Variants in PLCB4 observed in about 807,000 individuals in gnomAD.
PLCB4 encodes the protein phospholipase C beta 4.
A neutral mutation model predicts 178.8 loss-of-function variants in PLCB4; 77 were observed. The observed-to-expected ratio is 0.43, with a 90% CI of 0.36 to 0.52. The LOEUF is 0.52. Ranked by LOEUF, PLCB4 falls within the 20% of genes least tolerant of loss-of-function variation. The pLI is 0.00. For missense variants in PLCB4, 1,024 were observed against 1,453.4 expected (o/e 0.70, Z 4.80); for synonymous variants, 496 against 490.8 (o/e 1.01, Z -0.14).
At chr20:9,236,333 A>T (rs1399340860) in intron 3 of PLCB4, among the ~76,000 whole-genome samples, 1 of 152,196 alleles carries the variant, frequency 6.6e-6, no homozygotes, top group African/African-American at 2.4e-5. Context: ...ACAAGGAAGA[A>T]TAACCTTATA....
intron 36 of PLCB4, among the ~76,000 whole-genome samples, chr20:9,471,987 G>A (rs373984409): frequency 6.6e-5 from 10 of 152,274 alleles, no homozygotes; most frequent in South Asian, 6.2e-4. Flanking sequence ...CCACGCACCC[G>A]ATCGTTGTAG....
chr20:9,085,204 C>T (rs1261622834), intron 1 of PLCB4, among the ~76,000 whole-genome samples: 3 of 152,030 alleles, frequency 2.0e-5, no homozygotes, highest in Admixed American at 2.0e-4. Flanking sequence ...TATTCAGAAC[C>T]TGACATAGCT....
chr20:9,182,777 T>G (rs2093268629), intron 2 of PLCB4, among the ~76,000 whole-genome samples: 1 of 152,192 alleles, frequency 6.6e-6, no homozygotes, highest in South Asian at 2.1e-4. Flanking sequence ...GGCTTCCTGG[T>G]GTAGCTCTCC....
At chr20:9,090,326 C>A (rs6056397) in intron 1 of PLCB4, among the ~76,000 whole-genome samples, 74,969 of 151,292 alleles carry the variant, frequency 0.5, 18,967 homozygotes, top group Middle Eastern at 0.56. Context: ...CAAAGAGAAT[C>A]GAGCTATTAT....
intron 3 of PLCB4, among the ~76,000 whole-genome samples, chr20:9,304,386 C>T (rs1300040101): frequency 6.6e-6 from 1 of 151,504 alleles, no homozygotes; most frequent in African/African-American, 2.4e-5. Flanking sequence ...AGGGCCTAAT[C>T]GTGATCGGAT....
rs565174393 is a variant in PLCB4, at chr20:9,089,113, C to T, written c.-134-7174C>T. On this transcript the variant is annotated intron_variant, in intron 1 of 39. Transcript: ENST00000378473. ...ATAGATGAATATGAAATGTATATAT[C>T]AGTTCATTAGTTAGCTTATTTCAAA... is the stretch of plus-strand genomic sequence containing the variant. Among the ~76,000 whole-genome samples the T allele has an allele frequency of 2.7e-3, 416 of 151,936 alleles. 1 individual carries two copies. The highest frequency in any genetic ancestry group is 9.3e-3 in the African/African-American group (387 of 41,496).
intron 1 of PLCB4, among the ~76,000 whole-genome samples, chr20:9,074,807 T>TAAACAAAACAAAACA (rs138068127): frequency 1.6e-5 from 2 of 123,442 alleles, no homozygotes; most frequent in African/African-American, 6.5e-5. Flanking sequence ...TTTTTTTTTT[T>TAAACAAAACAAAACA]AAACAAAACA....
In PLCB4 at chr20:9,365,946, C is replaced by A. The variant is rs184611573; in HGVS notation, c.503+432C>A. Among the ~76,000 whole-genome samples the A allele has an allele frequency of 2.0e-5, 3 of 152,234 alleles. No homozygotes were observed. The East Asian group carries it at 5.8e-4, about 29-fold the overall frequency. Reference sequence around the variant, plus strand: ...CTGAACAGAGCATTTTCATTCTGGGCTTTGCTGCTCCTCTGGTGCTCAGGG... The same window carrying A: ...CTGAACAGAGCATTTTCATTCTGGGATTTGCTGCTCCTCTGGTGCTCAGGG... On this transcript the variant is annotated intron_variant, in intron 9 of 39. Transcript: ENST00000378473.
chr20:9,316,558 C>T (rs920889494), intron 4 of PLCB4, among the ~76,000 whole-genome samples: 7 of 152,040 alleles, frequency 4.6e-5, no homozygotes, highest in African/African-American at 1.4e-4. Context: ...TCTCCATGGG[C>T]GATTTTCTTA....
At chr20:9,319,551 C>T (rs1413512357) in intron 4 of PLCB4, among the ~76,000 whole-genome samples, 3 of 152,126 alleles carry the variant, frequency 2.0e-5, no homozygotes, top group Non-Finnish European at 4.4e-5. Context: ...TAGGGCAGTT[C>T]CAGTTCAAAC....
In PLCB4 at chr20:9,384,397, C is replaced by T; in HGVS notation, c.1050C>T (p.Leu350=). The change falls in exon 14 of 40, where the codon CTC becomes CTT. Residue 350 remains leucine, a synonymous_variant. Transcript: ENST00000378473. The stretch of plus-strand genomic sequence containing the variant: ...CGGTAGAAATGTACAGACAGGTTCT[C>T]CTGGCTGGTTGCAGGTGAGGAACTC... ...KSSVEMYRQV[L]LAGCRCVELD... The T allele has an allele frequency of 6.2e-7, 1 of 1,613,886 alleles. No homozygotes were observed. Among genetic ancestry groups the T allele is most frequent in the Non-Finnish European group, 8.5e-7 (1 of 1,179,772 alleles).
chr20:9,139,739 G>T (rs1014923635), intron 2 of PLCB4, among the ~76,000 whole-genome samples: 1 of 151,856 alleles, frequency 6.6e-6, no homozygotes, highest in Non-Finnish European at 1.5e-5. Flanking sequence ...GGCCCAACAT[G>T]TTCCACGTGT....
chr20:9,276,227 T>C (rs2094449227), intron 3 of PLCB4, among the ~76,000 whole-genome samples: 1 of 152,084 alleles, frequency 6.6e-6, no homozygotes, highest in Admixed American at 6.6e-5. Context: ...TGATGAGAGC[T>C]CTGTCATTTT....
At chr20:9,144,478 A>G (rs1427146758) in intron 2 of PLCB4, among the ~76,000 whole-genome samples, 4 of 151,828 alleles carry the variant, frequency 2.6e-5, no homozygotes, top group Non-Finnish European at 4.4e-5. Context: ...TAGCTAGTGA[A>G]AATACTATAC....
rs1246485762 is a variant in PLCB4 at position 9,472,863 on chromosome 20, T to A, written c.3408+16T>A. 36 of 1,477,996 alleles carry A rather than the reference T, an allele frequency of 2.4e-5. No homozygotes were observed. The highest frequency in any genetic ancestry group is 3.3e-5 in the Non-Finnish European group (35 of 1,066,148). 91.6% of individuals were successfully genotyped at this position (1,477,996 alleles called of 1,614,324 possible). A position where few individuals can be genotyped will look rare whatever the true frequency, so the allele number is the denominator to read the frequency against. On this transcript the variant is annotated intron_variant, in intron 37 of 39. Coordinates refer to ENST00000378473, the MANE Select transcript of PLCB4 (RefSeq NM_001377142.1). ...AAGAAAGAGAGTAAGTATTTTATTA[T>A]ATTTTTGGCATTCTTCCTTTAAAAA...
intron 3 of PLCB4, among the ~76,000 whole-genome samples, chr20:9,254,442 C>T (rs1346843563): frequency 2.0e-5 from 3 of 152,130 alleles, no homozygotes; most frequent in Non-Finnish European, 4.4e-5. Context: ...TGCCTGTAAC[C>T]CCAGCACTTC....
rs2040618209 is a variant in PLCB4 at position 9,421,347 on chromosome 20, G to A, written c.2205G>A (p.Glu735=). Residue 735 remains glutamate (E), a synonymous_variant, in exon 27 of 40, where the codon GAG becomes GAA. Coordinates refer to ENST00000378473, the MANE Select transcript of PLCB4 (RefSeq NM_001377142.1). ...LSDKKIGTYV[E]VDMYGLPTDT... is the part of the protein sequence containing the mutation. ...ATAAGAAAATTGGCACCTACGTAGA[G>A]GTGGATATGTATGGGTTGCCCACTG... The A allele has an allele frequency of 1.2e-6, 2 of 1,613,830 alleles. No individual in the cohort carries two copies. Among genetic ancestry groups the A allele is most frequent in the African/African-American group, 1.3e-5 (1 of 75,012 alleles).
chr20:9,262,456 G>A (rs944664740), intron 3 of PLCB4, among the ~76,000 whole-genome samples: 1 of 152,190 alleles, frequency 6.6e-6, no homozygotes, highest in Non-Finnish European at 1.5e-5. Context: ...AAAAGGAAGA[G>A]CATGGAGGAT....
chr20:9,123,459 A>G (rs1416391205), intron 2 of PLCB4, among the ~76,000 whole-genome samples: 3 of 143,474 alleles, frequency 2.1e-5, no homozygotes, highest in Non-Finnish European at 3.0e-5. Flanking sequence ...ATTTAATTTT[A>G]TCATGTTCTT....
Sources: allele counts gnomAD v4.1 joint callset (sites outside exome capture counted in the v4.1 genomes callset), GRCh38; gene constraint gnomAD v4.1.1; transcripts MANE v1.5; gene names NCBI Gene and HGNC (gene_info 2026-07-23, HGNC 2026-07-21).